CNTN1: variants seen among roughly 807,000 people sequenced by gnomAD.
CNTN1 encodes the protein contactin-1.
CNTN1 carries 38 observed loss-of-function variants against 126.4 expected under a neutral mutation model. That is an observed-to-expected ratio of 0.30 (90% CI 0.23 to 0.39). CNTN1 has a LOEUF of 0.39. Ranked by LOEUF, CNTN1 falls within the 10% of genes least tolerant of loss-of-function variation. The pLI is 1.00. For synonymous variants in CNTN1, 413 were observed against 422.6 expected, an observed-to-expected ratio of 0.98 and a Z score of 0.28; for missense variants, 1,009 against 1,248.4, an observed-to-expected ratio of 0.81 and a Z score of 2.89.
intron 15 of CNTN1, 107 bp from the exon 16 acceptor site, chr12:40,980,802 G>T: frequency 2.9e-6 from 3 of 1,029,182 alleles, no homozygotes; most frequent in Admixed American, 1.8e-5. Flanking sequence ...TGATTATATT[G>T]GACAAATGTT....
In CNTN1 at chr12:40,959,172, A is replaced by T; in HGVS notation, c.1742A>T (p.Tyr581Phe). The T allele has an allele frequency of 6.2e-7, 1 of 1,612,868 alleles. No homozygotes were observed. Among genetic ancestry groups the T allele is most frequent in the Non-Finnish European group, 8.5e-7 (1 of 1,179,216 alleles). The part of the protein sequence containing the change: ...RNAQLKHAGR[Y>F]TCTAQTIVDN... ...GCGCAGCTGAAACATGCTGGAAGAT[A>T]CACATGCACTGCCCAGACAATTGTG... The change falls in exon 15 of 24, where the codon TAC becomes TTC. Residue 581 changes from tyrosine to phenylalanine, a missense_variant. Transcript: ENST00000551295.
intron 1 of CNTN1, among the ~76,000 whole-genome samples, chr12:40,867,047 G>A (rs1482432913): frequency 6.6e-6 from 1 of 152,174 alleles, no homozygotes; most frequent in African/African-American, 2.4e-5. Context: ...GGGAGATGTA[G>A]ACAAGCACAG....
At chr12:40,839,356 C>A (rs893700673) in intron 1 of CNTN1, among the ~76,000 whole-genome samples, 69 of 108,256 alleles carry the variant, frequency 6.4e-4, no homozygotes, top group Non-Finnish European at 4.2e-4. Context: ...AGATTAGAAA[C>A]TGTTTAACGA....
At chr12:41,047,688 G>A (rs1949575630) in intron 23 of CNTN1, among the ~76,000 whole-genome samples, 1 of 151,950 alleles carries the variant, frequency 6.6e-6, no homozygotes, top group African/African-American at 2.4e-5. Flanking sequence ...AAATGACATT[G>A]GAGAGAATGC....
At chr12:40,735,676 C>G (rs1045163564) in intron 1 of CNTN1, among the ~76,000 whole-genome samples, 11 of 152,024 alleles carry the variant, frequency 7.2e-5, no homozygotes, top group Non-Finnish European at 1.5e-4. Context: ...AATCTTGAAT[C>G]ACAATTTAAG....
intron 1 of CNTN1, among the ~76,000 whole-genome samples, chr12:40,705,330 C>T (rs1012008407): frequency 2.0e-5 from 3 of 152,168 alleles, no homozygotes; most frequent in Non-Finnish European, 4.4e-5. Context: ...TGAATTATTT[C>T]TGCTTCATGT....
chr12:40,730,562 A>G (rs557894714), intron 1 of CNTN1, among the ~76,000 whole-genome samples: 32 of 152,266 alleles, frequency 2.1e-4, no homozygotes, highest in Admixed American at 5.2e-4. Context: ...GTTGCCCAAT[A>G]TCTATGTTCC....
Position 40,939,404 on chromosome 12 carries a change from T to TA in CNTN1, c.1300dup (p.Ile434AsnfsTer2). On this transcript the variant is annotated frameshift_variant, in exon 12 of 24. Transcript: ENST00000551295. LOFTEE classifies it high-confidence loss of function. ...CTGGCTGCTAAAGGTGGAAGGGTGA[T>TA]AATTGAATGCAAACCTAAAGCTGCA... 1 of 1,613,966 alleles carries TA rather than the reference T, an allele frequency of 6.2e-7. No individual in the cohort carries two copies. The highest frequency in any genetic ancestry group is 8.5e-7 in the Non-Finnish European group (1 of 1,179,948).
intron 1 of CNTN1, among the ~76,000 whole-genome samples, chr12:40,767,279 ATTATC>A (rs1350324427): frequency 7.1e-6 from 1 of 140,344 alleles, no homozygotes; most frequent in East Asian, 2.1e-4. Context: ...TAATAATTGA[ATTATC>A]TTATTTCTGC....
chr12:41,027,109 A>T (rs1949053123), intron 21 of CNTN1, among the ~76,000 whole-genome samples: 2 of 152,154 alleles, frequency 1.3e-5, no homozygotes, highest in East Asian at 1.9e-4. Context: ...ATTATATTAC[A>T]TTTGAAAAAT....
intron 3 of CNTN1, among the ~76,000 whole-genome samples, chr12:40,914,109 G>T (rs537062912): frequency 4.7e-4 from 72 of 152,170 alleles, no homozygotes; most frequent in African/African-American, 1.7e-3. Context: ...TCTGTGGTTT[G>T]TTTCTTATGC....
chr12:41,051,145 CTT>C (rs58479316), intron 23 of CNTN1, among the ~76,000 whole-genome samples: 24 of 120,386 alleles, frequency 2.0e-4, no homozygotes, highest in Admixed American at 9.3e-4. Context: ...GCTTTGTGAT[CTT>C]TTTTTTTTTT....
At chr12:40,839,227 A>C (rs7297450) in intron 1 of CNTN1, among the ~76,000 whole-genome samples, 23,744 of 152,018 alleles carry the variant, frequency 0.16, 1,850 homozygotes, top group Middle Eastern at 0.21. Context: ...CAGTCAGACA[A>C]AAATATAGAA....
At chr12:40,762,123 A>G (rs1229925925) in intron 1 of CNTN1, among the ~76,000 whole-genome samples, 2 of 152,228 alleles carry the variant, frequency 1.3e-5, no homozygotes, top group African/African-American at 2.4e-5. Context: ...AAGTAAGTAT[A>G]TATTTAAAGA....
rs750576185 is a variant in CNTN1, at chr12:40,943,722, C to T, written c.1505C>T (p.Thr502Ile). The T allele has an allele frequency of 6.2e-7, 1 of 1,612,598 alleles. No homozygotes were observed. The highest frequency in any genetic ancestry group is 1.1e-5 in the South Asian group (1 of 91,034). ...KANSTGTLVITDPTRIILAPI... is the reference protein window; with the variant it reads ...KANSTGTLVIIDPTRIILAPI... ...AATAGCACTGGAACCCTTGTTATCACAGGTAAGTTAATGTTTGAGGGTGCT... is the reference window on the plus strand; with the variant it reads ...AATAGCACTGGAACCCTTGTTATCATAGGTAAGTTAATGTTTGAGGGTGCT... Residue 502 changes from threonine (T) to isoleucine (I), a missense_variant and splice_region_variant, in exon 13 of 24, where the codon ACA becomes ATA. By Grantham distance (89) the Thr-to-Ile change is moderately conservative (BLOSUM62 -1). Transcript: ENST00000551295.
At chr12:40,755,495 T>C (rs1011907478) in intron 1 of CNTN1, among the ~76,000 whole-genome samples, 3 of 151,636 alleles carry the variant, frequency 2.0e-5, no homozygotes, top group Non-Finnish European at 4.4e-5. Flanking sequence ...GGAGGATTGC[T>C]TGGGGCCGGG....
intron 1 of CNTN1, among the ~76,000 whole-genome samples, chr12:40,817,734 C>A (rs1941307450): frequency 6.6e-6 from 1 of 151,900 alleles, no homozygotes; most frequent in African/African-American, 2.4e-5. Context: ...ATTTTGCACA[C>A]TAGTTGATGT....
At chr12:40,970,746 C>G (rs1055095501) in intron 15 of CNTN1, among the ~76,000 whole-genome samples, 2 of 152,122 alleles carry the variant, frequency 1.3e-5, no homozygotes, top group African/African-American at 4.8e-5. Flanking sequence ...GATCTAAAAG[C>G]TGTGGCCTTT....
chr12:41,068,425 C>T, intron 23 of CNTN1, among the ~76,000 whole-genome samples: 1 of 152,050 alleles, frequency 6.6e-6, no homozygotes, highest in East Asian at 1.9e-4. Flanking sequence ...TTGTTATCTG[C>T]CCTCACCTTT....
Sources: gnomAD v4.1 joint callset for allele counts (sites outside exome capture counted in the v4.1 genomes callset) on GRCh38, gnomAD v4.1.1 for gene constraint, MANE v1.5 for transcripts, NCBI Gene and HGNC (gene_info 2026-07-23, HGNC 2026-07-21) for gene names.